The following EFCAB3 variants were observed in gnomAD, a reference collection of about 807,000 sequenced individuals.
EFCAB3 encodes the protein EF-hand calcium-binding domain-containing protein 3.
Under a neutral mutation model 42.2 loss-of-function variants are expected in EFCAB3, and 36 were observed. The ratio of observed to expected loss-of-function variants is 0.85; its 90% CI spans 0.65 to 1.13. The LOEUF (loss-of-function observed/expected upper bound fraction) is 1.13. Among genes scored for constraint, EFCAB3 ranks in the 50% most tolerant of loss-of-function variants. EFCAB3 has a pLI of 0.00. For missense variants in EFCAB3, 418 were observed against 505.1 expected, an observed-to-expected ratio of 0.83 and a Z score of 1.65; for synonymous variants, 170 against 172.8, an observed-to-expected ratio of 0.98 and a Z score of 0.13.
intron 6 of EFCAB3, among the ~76,000 whole-genome samples, chr17:62,395,580 TC>T (rs2070342203): frequency 6.6e-6 from 1 of 152,138 alleles, no homozygotes. Flanking sequence ...CCAGGGGCTC[TC>T]AAAAATCTCT....
Position 62,391,810 on chromosome 17 carries a change from C to T in EFCAB3, c.152-12C>T, listed in dbSNP as rs2070304908. 1 of 1,612,750 alleles carries T rather than the reference C, an allele frequency of 6.2e-7. No individual in the cohort carries two copies. On this transcript the variant is annotated splice_polypyrimidine_tract_variant and intron_variant, in intron 3 of 9. Coordinates refer to ENST00000305286, the MANE Select transcript of EFCAB3 (RefSeq NM_173503.4). ...AACAACTGTCCTGAATAACTTAATCCTATCTCCCCAGCTTTCCAAGATGCC... is the reference window on the plus strand; with the variant it reads ...AACAACTGTCCTGAATAACTTAATCTTATCTCCCCAGCTTTCCAAGATGCC...
chr17:62,399,356 T>C (rs1217931204), intron 6 of EFCAB3, among the ~76,000 whole-genome samples: 1 of 151,986 alleles, frequency 6.6e-6, no homozygotes, highest in Admixed American at 6.6e-5. Context: ...TTTGTGGAGA[T>C]AGGTATTCAC....
At chr17:62,373,681 C>T in intron 1 of EFCAB3, 1 of 608,994 alleles carries the variant, frequency 1.6e-6, no homozygotes, top group Non-Finnish European at 2.9e-6. Context: ...ATCCAAATTC[C>T]AAAGCAAACC....
intron 4 of EFCAB3, 89 bp from the exon 5 acceptor site, chr17:62,393,484 C>T: frequency 9.9e-7 from 1 of 1,005,054 alleles, no homozygotes; most frequent in Non-Finnish European, 1.5e-6. Flanking sequence ...ATTGAATCAT[C>T]CAGAGTGTTT....
intron 5 of EFCAB3, 48 bp downstream of exon 5, chr17:62,393,692 A>C: frequency 2.3e-4 from 336 of 1,489,848 alleles, no homozygotes; most frequent in Middle Eastern, 5.2e-4. Context: ...GCTACAACTC[A>C]CTGCACAGCA....
intron 2 of EFCAB3, among the ~76,000 whole-genome samples, chr17:62,385,246 C>G (rs2070238752): frequency 6.6e-6 from 1 of 152,112 alleles, no homozygotes; most frequent in Non-Finnish European, 1.5e-5. Flanking sequence ...GTGTTCAAGA[C>G]CAGCCTGAGC....
intron 6 of EFCAB3, among the ~76,000 whole-genome samples, chr17:62,403,129 T>C (rs919176319): frequency 6.6e-6 from 1 of 152,110 alleles, no homozygotes; most frequent in Admixed American, 6.6e-5. Flanking sequence ...TGTCCACACA[T>C]ACTTCTATAG....
Position 62,406,678 on chromosome 17 carries a change from G to A in EFCAB3, c.682+5G>A. On this transcript the variant is annotated splice_donor_5th_base_variant and intron_variant, in intron 7 of 9. Coordinates refer to ENST00000305286, the MANE Select transcript of EFCAB3 (RefSeq NM_173503.4). ...AATTTCTTGAAGAGCTCAAGAGTAA[G>A]AGCCATTTGTTCTCTCTCTACTGTT... The A allele has an allele frequency of 6.2e-7, 1 of 1,613,704 alleles. No individual in the cohort carries two copies. The highest frequency in any genetic ancestry group is 8.5e-7 in the Non-Finnish European group (1 of 1,179,778).
At chr17:62,394,706 T>C (rs1262308451) in intron 5 of EFCAB3, among the ~76,000 whole-genome samples, 1 of 152,222 alleles carries the variant, frequency 6.6e-6, no homozygotes, top group Non-Finnish European at 1.5e-5. Context: ...TCATAATCTA[T>C]GAACTGTTCT....
At chr17:62,394,785 T>C (rs1373675732) in intron 5 of EFCAB3, among the ~76,000 whole-genome samples, 1 of 152,242 alleles carries the variant, frequency 6.6e-6, no homozygotes, top group Non-Finnish European at 1.5e-5. Context: ...AATCTTTGCC[T>C]AGAACCAGAT....
intron 1 of EFCAB3, chr17:62,381,880 TG>T: frequency 4.8e-6 from 2 of 419,062 alleles, no homozygotes; most frequent in East Asian, 7.3e-5. Flanking sequence ...GGTGGGGCTG[TG>T]GCTGTCTCTG....
chr17:62,370,280 G>A (rs1302478267), exon 1 of EFCAB3: 3 of 1,551,680 alleles, frequency 1.9e-6, no homozygotes, highest in South Asian at 1.2e-5. Flanking sequence ...TGAGCTCACA[G>A]AAGAAGAAAT....
In EFCAB3 at chr17:62,415,127, A is replaced by C. The variant is rs528083169; in HGVS notation, c.991-876A>C. Among the ~76,000 whole-genome samples, 108 of 147,940 alleles carry C rather than the reference A, an allele frequency of 7.3e-4. 1 individual carries two copies. Among genetic ancestry groups the C allele is most frequent in the Middle Eastern group, 3.5e-3 (1 of 288 alleles). On this transcript the variant is annotated intron_variant, in intron 9 of 9. Transcript: ENST00000305286. ...TCAAAAACAAAAAAAAACAAAAAAA[A>C]ACAAAAAAACCACATTTTTCAAATC...
chr17:62,407,090 G>A lies in EFCAB3; in HGVS notation c.745G>A (p.Val249Met). ...ACCCATCTTTCCATTGTTCCCTAAT[G>A]TGGATGGGGTGGTGATGGGAAAGCC... is the stretch of plus-strand genomic sequence containing the variant. ...KIPIFPLFPN[V>M]DGVVMGKPFK... Residue 249 changes from valine (V) to methionine (M), a missense_variant, in exon 8 of 10, where the codon GTG (valine) becomes ATG (methionine). Physicochemically the swap from Val to Met is conservative, Grantham distance 21. Transcript: ENST00000305286. The A allele has an allele frequency of 6.2e-7, 1 of 1,612,868 alleles. No individual in the cohort carries two copies.
At chr17:62,400,428 T>A (rs2070390826) in intron 6 of EFCAB3, among the ~76,000 whole-genome samples, 1 of 152,142 alleles carries the variant, frequency 6.6e-6, no homozygotes, top group African/African-American at 2.4e-5. Flanking sequence ...CCACCCTGTG[T>A]CCAAGTGTTC....
intron 6 of EFCAB3, among the ~76,000 whole-genome samples, chr17:62,404,373 C>T (rs1341075628): frequency 1.3e-5 from 2 of 152,186 alleles, no homozygotes; most frequent in South Asian, 4.1e-4. Context: ...TGGCTTGCAC[C>T]TGTGGTCCCA....
rs202124003 is a variant in EFCAB3 at position 62,413,815 on chromosome 17, G to A, written c.951G>A (p.Gln317=). The A allele has an allele frequency of 5.6e-6, 9 of 1,613,468 alleles. No homozygotes were observed. Among genetic ancestry groups the A allele is most frequent in the Middle Eastern group, 1.7e-4 (1 of 6,060 alleles). The change falls in exon 9 of 10, where the codon CAG becomes CAA. Residue 317 remains glutamine, a synonymous_variant. Coordinates refer to ENST00000305286, the MANE Select transcript of EFCAB3 (RefSeq NM_173503.4). ...TTGATCAAATGCTCAAGAAAAAGCA[G>A]ACTTGTACAGTGGCCGATGCAACTG... ...FTIDQMLKKK[Q]TCTVADATAI...
At chr17:62,382,782 G>C (rs886887474) in intron 1 of EFCAB3, among the ~76,000 whole-genome samples, 181 bp from the exon 2 acceptor site, 1 of 152,190 alleles carries the variant, frequency 6.6e-6, no homozygotes, top group Admixed American at 6.5e-5. Context: ...CGGGAACAAC[G>C]AAGGGGAATT....
chr17:62,409,932 G>T (rs2070480521), intron 8 of EFCAB3, among the ~76,000 whole-genome samples: 1 of 152,048 alleles, frequency 6.6e-6, no homozygotes, highest in Admixed American at 6.6e-5. Flanking sequence ...GGGTGCAGTG[G>T]CTCATGCCTG....
Sources: allele counts gnomAD v4.1 joint callset (sites outside exome capture counted in the v4.1 genomes callset), GRCh38; gene constraint gnomAD v4.1.1; transcripts MANE v1.5; gene names NCBI Gene and HGNC (gene_info 2026-07-23, HGNC 2026-07-21).